FGGY: variants seen among roughly 807,000 people sequenced by gnomAD.
FGGY encodes the protein FGGY carbohydrate kinase domain containing.
A neutral mutation model predicts 71.3 loss-of-function variants in FGGY; 72 were observed. That is an observed-to-expected ratio of 1.01 (90% CI 0.84 to 1.23). FGGY has a LOEUF of 1.23. FGGY is among the 50% of genes most tolerant of loss of function. FGGY has a pLI of 0.00. For synonymous variants in FGGY, 251 were observed against 250.3 expected (o/e 1.00, Z -0.02); for missense variants, 668 against 682.3 (o/e 0.98, Z 0.23).
intron 5 of FGGY, among the ~76,000 whole-genome samples, chr1:59,456,322 A>G (rs1447648741): frequency 6.6e-6 from 1 of 152,162 alleles, no homozygotes; most frequent in Admixed American, 6.5e-5. Context: ...AAAATTTCAT[A>G]ATTTTTTTAT....
chr1:59,684,785 G>A (rs1035297989), intron 14 of FGGY, among the ~76,000 whole-genome samples: 1 of 152,168 alleles, frequency 6.6e-6, no homozygotes, highest in African/African-American at 2.4e-5. Context: ...TGCTAGCTGT[G>A]TGAACACACC....
intron 6 of FGGY, among the ~76,000 whole-genome samples, chr1:59,502,090 G>A (rs908800461): frequency 3.0e-4 from 45 of 152,274 alleles, no homozygotes; most frequent in Non-Finnish European, 6.3e-4. Flanking sequence ...CCTTTTTACA[G>A]GTGAGGAAAC....
At chr1:59,642,971 C>G (rs1336063306) in intron 11 of FGGY, among the ~76,000 whole-genome samples, 1 of 145,108 alleles carries the variant, frequency 6.9e-6, no homozygotes, top group East Asian at 2.1e-4. Flanking sequence ...GGGGGTGGAG[C>G]TTGCAGTGAG....
chr1:59,482,263 T>G (rs988320644), intron 6 of FGGY, among the ~76,000 whole-genome samples: 1 of 152,156 alleles, frequency 6.6e-6, no homozygotes, highest in Non-Finnish European at 1.5e-5. Flanking sequence ...GTGGCTTAGG[T>G]CACCCTGGAA....
At chr1:59,491,043 C>CTTTCCTTTCCTTTCCTTTCCT (rs1375107348) in intron 6 of FGGY, among the ~76,000 whole-genome samples, 1 of 16,852 alleles carries the variant, frequency 5.9e-5, no homozygotes, top group Non-Finnish European at 1.0e-4. Flanking sequence ...CCTTTCCTTC[C>CTTTCCTTTCCTTTCCTTTCCT]TTCCTTCCTT....
chr1:59,506,620 G>A (rs544201335), intron 6 of FGGY, among the ~76,000 whole-genome samples: 19 of 152,320 alleles, frequency 1.2e-4, no homozygotes, highest in South Asian at 2.1e-4. Context: ...CCAACATGGC[G>A]AAACCCTGTC....
intron 8 of FGGY, among the ~76,000 whole-genome samples, chr1:59,558,351 A>G (rs2095727180): frequency 6.6e-6 from 1 of 152,144 alleles, no homozygotes; most frequent in African/African-American, 2.4e-5. Context: ...TATTTTCCGT[A>G]AGTGTCAGCC....
chr1:59,553,357 A>T (rs1040968263), intron 7 of FGGY, among the ~76,000 whole-genome samples: 4 of 152,234 alleles, frequency 2.6e-5, no homozygotes, highest in African/African-American at 9.6e-5. Flanking sequence ...GAACAAATGA[A>T]TACAATTCCA....
At chr1:59,540,339 C>A (rs2095420659) in intron 7 of FGGY, among the ~76,000 whole-genome samples, 1 of 152,154 alleles carries the variant, frequency 6.6e-6, no homozygotes. Flanking sequence ...CCCCCAGTTC[C>A]CATCAATAAT....
intron 14 of FGGY, among the ~76,000 whole-genome samples, chr1:59,692,081 G>A (rs1052326142): frequency 5.9e-5 from 9 of 152,154 alleles, no homozygotes; most frequent in African/African-American, 2.2e-4. Flanking sequence ...TTGACTGGAA[G>A]AGACAGTTAA....
intron 14 of FGGY, among the ~76,000 whole-genome samples, chr1:59,720,664 T>A (rs535821580): frequency 6.6e-6 from 1 of 152,338 alleles, no homozygotes; most frequent in African/African-American, 2.4e-5. Context: ...GGTCTTGTTG[T>A]AACAATTGCA....
At chr1:59,630,785 A>C (rs2096901133) in intron 10 of FGGY, among the ~76,000 whole-genome samples, 1 of 152,234 alleles carries the variant, frequency 6.6e-6, no homozygotes, top group African/African-American at 2.4e-5. Context: ...CAGAAGCAGC[A>C]ACTTACAGAA....
intron 14 of FGGY, among the ~76,000 whole-genome samples, chr1:59,695,862 G>A (rs574938110): frequency 2.0e-5 from 3 of 151,832 alleles, no homozygotes; most frequent in African/African-American, 7.2e-5. Context: ...ATCCTGAGAT[G>A]TCCCCCTCCC....
At chr1:59,482,452 A>G (rs749671165) in intron 6 of FGGY, among the ~76,000 whole-genome samples, 3 of 152,048 alleles carry the variant, frequency 2.0e-5, no homozygotes, top group Non-Finnish European at 4.4e-5. Context: ...AAAAATGACC[A>G]CTTATCTAAG....
chr1:59,515,654 G>A (rs897512157), intron 7 of FGGY, among the ~76,000 whole-genome samples: 5 of 152,166 alleles, frequency 3.3e-5, no homozygotes, highest in East Asian at 1.9e-4. Context: ...TGCTGTTCTC[G>A]TGATAGTAAG....
chr1:59,580,245 T>C (rs1434162748), intron 8 of FGGY, among the ~76,000 whole-genome samples: 1 of 152,168 alleles, frequency 6.6e-6, no homozygotes, highest in Non-Finnish European at 1.5e-5. Context: ...ACTTTGTTTT[T>C]TCACCACTGA....
chr1:59,523,360 G>A (rs1254214298), intron 7 of FGGY, among the ~76,000 whole-genome samples: 1 of 152,192 alleles, frequency 6.6e-6, no homozygotes, highest in Non-Finnish European at 1.5e-5. Context: ...CTGATGGTGG[G>A]AAAATACACA....
chr1:59,667,328 T>C lies in FGGY; in HGVS notation c.1342T>C (p.Ser448Pro), dbSNP rs759565820. 6.2e-7 allele frequency: 1 copy of C among 1,614,176 alleles called. No individual in the cohort carries two copies. Among genetic ancestry groups the C allele is most frequent in the Non-Finnish European group, 8.5e-7 (1 of 1,180,004 alleles). The change falls in exon 13 of 16, where the codon TCA (serine) becomes CCA (proline). Residue 448 changes from serine to proline, a missense_variant. Ser to Pro is a moderately conservative substitution (Grantham distance 74). This residue lies in a region of FGGY where 661 missense variants were observed against 661.6 expected (regional missense o/e 1.00). Coordinates refer to ENST00000303721, the MANE Select transcript of FGGY (RefSeq NM_018291.5). Reference protein sequence around the residue: ...IIEAMEAAGHSISTLFLCGGL... With the variant: ...IIEAMEAAGHPISTLFLCGGL... ...AGAAGCCATGGAGGCAGCAGGGCAC[T>C]CAATCAGTACTCTTTTCCTATGTGG...
At chr1:59,375,483 A>C (rs140714158) in intron 4 of FGGY, among the ~76,000 whole-genome samples, 4 of 152,132 alleles carry the variant, frequency 2.6e-5, no homozygotes, top group African/African-American at 9.7e-5. Flanking sequence ...ACTTAAGAGT[A>C]CCTCAGACTT....
Sources: allele counts gnomAD v4.1 joint callset (sites outside exome capture counted in the v4.1 genomes callset), GRCh38; gene constraint gnomAD v4.1.1; regional missense constraint gnomAD v4.1.1; transcripts MANE v1.5; gene names NCBI Gene and HGNC (gene_info 2026-07-23, HGNC 2026-07-21).